ARHGEF5: variants seen among roughly 807,000 people sequenced by gnomAD.
ARHGEF5 encodes the protein Rho guanine nucleotide exchange factor 5.
In ARHGEF5, 11 loss-of-function variants were observed where a neutral mutation model predicts 104.0. The ratio of observed to expected loss-of-function variants is 0.11; its 90% confidence interval spans 0.07 to 0.18. The LOEUF is 0.18. ARHGEF5 is among the 10% of genes least tolerant of loss of function. The probability of loss-of-function intolerance (pLI) is 1.00; values close to 1 mark genes in which losing one functional copy is unlikely to be tolerated. For synonymous variants in ARHGEF5, 60 were observed against 512.2 expected (o/e 0.12, Z 11.92); for missense variants, 165 against 1,335.4 (o/e 0.12, Z 13.66).
At chr7:144,361,115 C>A (rs1287214779) in intron 1 of ARHGEF5, among the ~76,000 whole-genome samples, 1 of 142,434 alleles carries the variant, frequency 7.0e-6, no homozygotes, top group Non-Finnish European at 1.6e-5. Context: ...ATAGTCCCAG[C>A]TACTCGGGAG....
At chr7:144,370,783 A>G (rs2053717463) in intron 5 of ARHGEF5, among the ~76,000 whole-genome samples, 1 of 143,532 alleles carries the variant, frequency 7.0e-6, no homozygotes, top group East Asian at 2.0e-4. Flanking sequence ...CTTTTTTAAT[A>G]TAAATTTCAT....
At position 144,372,400 on chromosome 7, in the gene ARHGEF5, G is replaced by GC; in HGVS notation, c.3948dup (p.Ile1317HisfsTer41). ...TCCTTTCTGATTCTGCCCTTCCAAC[G>GC]CATCACCCGCCTCAAACTGCTGCTC... On this transcript the variant is annotated frameshift_variant, in exon 8 of 15. Transcript: ENST00000056217. LOFTEE classifies it high-confidence loss of function. 1 of 802,290 alleles carries GC rather than the reference G, an allele frequency of 1.2e-6. No individual in the cohort carries two copies. The highest frequency in any genetic ancestry group is 2.0e-6 in the Non-Finnish European group (1 of 511,232). 49.7% of individuals were successfully genotyped at this position (802,290 alleles called of 1,614,324 possible).
At chr7:144,372,101 GC>G in intron 7 of ARHGEF5, 72 bp downstream of exon 7, 1 of 186,274 alleles carries the variant, frequency 5.4e-6, no homozygotes, top group South Asian at 2.7e-5. Flanking sequence ...AGCCCAGAGG[GC>G]TATCCCAAGA....
intron 13 of ARHGEF5, among the ~76,000 whole-genome samples, chr7:144,378,221 T>C (rs542309840): frequency 1.3e-5 from 2 of 152,316 alleles, no homozygotes; most frequent in East Asian, 3.9e-4. Context: ...TGATCACTGA[T>C]AGATGAGTAA....
chr7:144,361,011 C>T lies in ARHGEF5; in HGVS notation c.-12-1647C>T, dbSNP rs568997032. ...TCGGGAGGCCGAGGCGGGTGGATAA[C>T]GAGGTCAGGAGATTGAGACCATCCT... On this transcript the variant is annotated intron_variant, in intron 1 of 14. Coordinates refer to ENST00000056217, the MANE Select transcript of ARHGEF5 (RefSeq NM_005435.4). 9.6e-5 allele frequency among the ~76,000 whole-genome samples: 14 copies of T among 145,232 alleles called. No individual in the cohort carries two copies. The East Asian group carries it at 1.2e-3, about 12-fold the overall frequency.
At position 144,380,195 on chromosome 7, in the gene ARHGEF5, C is replaced by G. The variant is rs1031747776; in HGVS notation, c.*139C>G. ...GCTCAAGGACAAAATCCAGCTAACCCAGTCCCTCGGCCCAGGCCTCCTTTC... is the reference window on the plus strand; with the variant it reads ...GCTCAAGGACAAAATCCAGCTAACCGAGTCCCTCGGCCCAGGCCTCCTTTC... On this transcript the variant is annotated 3_prime_UTR_variant, in exon 15 of 15. Coordinates refer to ENST00000056217, the MANE Select transcript of ARHGEF5 (RefSeq NM_005435.4). The G allele has an allele frequency of 2.9e-5, 33 of 1,152,204 alleles. 1 individual carries two copies. In the Admixed American group the frequency reaches 8.1e-4, roughly 28 times the overall value. The allele number at this position is 1,152,204 out of a possible 1,614,324, so 71.4% of individuals were successfully genotyped here.
At chr7:144,357,648 GT>G (rs1210058614) in intron 1 of ARHGEF5, among the ~76,000 whole-genome samples, 1 of 151,406 alleles carries the variant, frequency 6.6e-6, no homozygotes, top group Non-Finnish European at 1.5e-5. Flanking sequence ...AGATTTGGCA[GT>G]TTGATTGGGG....
intron 1 of ARHGEF5, among the ~76,000 whole-genome samples, chr7:144,358,796 TG>T (rs2053615212): frequency 1.1e-4 from 14 of 132,572 alleles, no homozygotes; most frequent in Admixed American, 5.6e-4. Context: ...TGTGTGTGTG[TG>T]TGTGTACACA....
At chr7:144,378,637 G>C in intron 13 of ARHGEF5, 125 bp from the exon 14 acceptor site, 1 of 722,726 alleles carries the variant, frequency 1.4e-6, no homozygotes, top group Non-Finnish European at 2.3e-6. Context: ...TCTTTTGTCT[G>C]TGACTTTCAA....
At chr7:144,379,722 C>G (rs1345797672) in intron 14 of ARHGEF5, among the ~76,000 whole-genome samples, 177 bp from the exon 15 acceptor site, 1 of 152,308 alleles carries the variant, frequency 6.6e-6, no homozygotes, top group Non-Finnish European at 1.5e-5. Context: ...GAATGGACAG[C>G]TGTAGACTTG....
chr7:144,359,681 A>AG (rs2053623399), intron 1 of ARHGEF5, among the ~76,000 whole-genome samples: 1 of 33,408 alleles, frequency 3.0e-5, no homozygotes, highest in African/African-American at 7.6e-5. Flanking sequence ...AGCCAGTGGG[A>AG]GAGGGGGGGG....
chr7:144,378,653 C>A, intron 13 of ARHGEF5, 109 bp from the exon 14 acceptor site: 1 of 849,946 alleles, frequency 1.2e-6, no homozygotes, highest in Non-Finnish European at 1.9e-6. Context: ...TTCAACAGCC[C>A]AAATCTGTCT....
chr7:144,377,892 G>A (rs180932447), intron 13 of ARHGEF5, among the ~76,000 whole-genome samples: 1 of 152,318 alleles, frequency 6.6e-6, no homozygotes, highest in Non-Finnish European at 1.5e-5. Flanking sequence ...GCTGGCTTCA[G>A]TTCCCCAGTG....
intron 14 of ARHGEF5, among the ~76,000 whole-genome samples, chr7:144,379,398 T>C (rs539002198): frequency 2.6e-5 from 4 of 151,878 alleles, no homozygotes; most frequent in East Asian, 3.9e-4. Context: ...TTAGTAGAGA[T>C]GGGGTTTCAC....
chr7:144,379,346 A>G (rs1446816165), intron 14 of ARHGEF5, among the ~76,000 whole-genome samples: 1 of 152,104 alleles, frequency 6.6e-6, no homozygotes, highest in Non-Finnish European at 1.5e-5. Context: ...CAGTCTCCCA[A>G]GTAGCTGCGT....
In ARHGEF5 at chr7:144,378,753, C is replaced by A. The variant is rs1335631668; in HGVS notation, c.4532-9C>A. The stretch of plus-strand genomic sequence containing the variant: ...TCCTAACCTCTCTTCACACTCTTCT[C>A]TTCCAAAGACTCCCCCCAGGTACAG... On this transcript the variant is annotated splice_polypyrimidine_tract_variant and intron_variant, in intron 13 of 14. Coordinates refer to ENST00000056217, the MANE Select transcript of ARHGEF5 (RefSeq NM_005435.4). 1 of 1,612,522 alleles carries A rather than the reference C, an allele frequency of 6.2e-7. No homozygotes were observed. Among genetic ancestry groups the A allele is most frequent in the South Asian group, 1.1e-5 (1 of 91,000 alleles).
intron 1 of ARHGEF5, among the ~76,000 whole-genome samples, chr7:144,357,244 G>A (rs1361714583): frequency 6.1e-3 from 556 of 90,704 alleles, no homozygotes; most frequent in Admixed American, 9.8e-3. Context: ...GACCACAGAT[G>A]AGATTGTAGA....
intron 14 of ARHGEF5, among the ~76,000 whole-genome samples, chr7:144,379,670 T>C (rs576758485): frequency 6.6e-6 from 1 of 152,236 alleles, no homozygotes; most frequent in South Asian, 2.1e-4. Context: ...ACATAAATGT[T>C]AGGAGGGACA....
rs1383821452 is a variant in ARHGEF5 at position 144,363,378 on chromosome 7, G to C, written c.709G>C (p.Glu237Gln). ...AGTTCTGGAGGAGCAGGGACAGCAG[G>C]AAGCAGGATTTCGGGGGGAAGGAAC... ...VQVLEEQGQQ[E>Q]AGFRGEGTLR... The change falls in exon 2 of 15, where the codon GAA becomes CAA. Residue 237 changes from glutamate to glutamine, a missense_variant. By Grantham distance (29) the Glu-to-Gln change is conservative. Transcript: ENST00000056217. 3 of 1,586,746 alleles carry C rather than the reference G, an allele frequency of 1.9e-6. No homozygotes were observed. Among genetic ancestry groups the C allele is most frequent in the Non-Finnish European group, 2.6e-6 (3 of 1,160,128 alleles).
Sources: gnomAD v4.1 joint callset for allele counts (sites outside exome capture counted in the v4.1 genomes callset) on GRCh38, gnomAD v4.1.1 for gene constraint, MANE v1.5 for transcripts, NCBI Gene and HGNC (gene_info 2026-07-23, HGNC 2026-07-21) for gene names.